THEM5: variants seen among roughly 807,000 people sequenced by gnomAD.
THEM5 encodes thioesterase superfamily member 5.
THEM5 carries 28 observed loss-of-function variants against 24.2 expected under a neutral mutation model. The observed-to-expected ratio is 1.16, with a 90% confidence interval of 0.86 to 1.59. The LOEUF (loss-of-function observed/expected upper bound fraction) is 1.59. THEM5 is among the 40% of genes most tolerant of loss of function. The probability of loss-of-function intolerance (pLI) is 0.00; values close to 1 mark genes in which losing one functional copy is unlikely to be tolerated. For synonymous variants in THEM5, 87 were observed against 114.5 expected, an observed-to-expected ratio of 0.76 and a Z score of 1.53; for missense variants, 260 against 296.8, an observed-to-expected ratio of 0.88 and a Z score of 0.91.
At chr1:151,848,653 G>T (rs1393521343) in intron 3 of THEM5, among the ~76,000 whole-genome samples, 1 of 152,222 alleles carries the variant, frequency 6.6e-6, no homozygotes, top group Admixed American at 6.5e-5. Context: ...GGAAGGATGG[G>T]CATATACAGG....
chr1:151,848,365 C>T, intron 3 of THEM5, 73 bp from the exon 4 acceptor site: 4 of 1,197,424 alleles, frequency 3.3e-6, no homozygotes, highest in Non-Finnish European at 5.0e-6. Flanking sequence ...TGGGCCTTCC[C>T]TCCCTCCTGT....
Position 151,851,135 on chromosome 1 carries a change from C to A in THEM5, c.382G>T (p.Glu128Ter), listed in dbSNP as rs1653107035. 1.9e-6 allele frequency: 3 copies of A among 1,614,116 alleles called. No individual in the cohort carries two copies. The African/African-American group carries it at 4.0e-5, about 22-fold the overall frequency. Residue 128 changes from glutamate to a stop codon, truncating the protein, a stop_gained, in exon 3 of 6, where the codon GAG (glutamate) becomes TAG (stop). Transcript: ENST00000368817. LOFTEE classifies it high-confidence loss of function. ...GTTGGCTGGAAAAAGATGACATACT[C>A]AAAGCCTTGTCCTTCCACTTGGATG... The part of the protein sequence containing the change: ...RCIQVEGQGF[E>*]YVIFFQPTQK...
intron 2 of THEM5, among the ~76,000 whole-genome samples, 195 bp downstream of exon 2, chr1:151,852,063 T>G (rs1481897854): frequency 6.6e-6 from 1 of 152,062 alleles, no homozygotes; most frequent in Admixed American, 6.6e-5. Context: ...GGTGTGCTGC[T>G]TCAGATGGGA....
At chr1:151,853,168 C>T (rs1483873374) in intron 1 of THEM5, among the ~76,000 whole-genome samples, 1 of 152,202 alleles carries the variant, frequency 6.6e-6, no homozygotes, top group Admixed American at 6.5e-5. Context: ...CTGGGGATAC[C>T]CCAGCTTTGC....
At chr1:151,851,327 C>G (rs1653115916) in intron 2 of THEM5, 136 bp from the exon 3 acceptor site, 2 of 1,173,010 alleles carry the variant, frequency 1.7e-6, no homozygotes, top group Admixed American at 2.0e-5. Flanking sequence ...CCCCAGGGAG[C>G]CTTCCCTCTG....
chr1:151,853,371 G>T (rs1289010352), intron 1 of THEM5, 72 bp downstream of exon 1: 1 of 1,524,972 alleles, frequency 6.6e-7, no homozygotes, highest in African/African-American at 1.4e-5. Context: ...CTGGGAAGAG[G>T]AGATTTGGGG....
chr1:151,853,523 G>T lies in THEM5; in HGVS notation c.43C>A (p.His15Asn), dbSNP rs762511855. 1.1e-5 allele frequency: 18 copies of T among 1,613,696 alleles called. No individual in the cohort carries two copies. The highest frequency in any genetic ancestry group is 1.3e-5 in the Non-Finnish European group (15 of 1,179,836). ...CGGGGGGCCTCAAGAAGGCCTCTGTGGTGGCCAAGTCTTGCTGCCACCTGG... is the reference window on the plus strand; with the variant it reads ...CGGGGGGCCTCAAGAAGGCCTCTGTTGTGGCCAAGTCTTGCTGCCACCTGG... ...CFQVAARLGH[H>N]RGLLEAPRIL... Residue 15 changes from histidine to asparagine, a missense_variant, in exon 1 of 6, where the codon CAC becomes AAC. Transcript: ENST00000368817.
At position 151,852,327 on chromosome 1, in the gene THEM5, G is replaced by T; in HGVS notation, c.256C>A (p.Pro86Thr). ...TGGTCTCTGTTGGACTTGAAGGAGGGCAGCTTGATCCAGCCGCTAGACTTA... is the reference window on the plus strand; with the variant it reads ...TGGTCTCTGTTGGACTTGAAGGAGGTCAGCTTGATCCAGCCGCTAGACTTA... Reference protein sequence around the residue: ...KTKSSGWIKLPSFKSNRDHIR... With the variant: ...KTKSSGWIKLTSFKSNRDHIR... The change falls in exon 2 of 6, where the codon CCC becomes ACC. Residue 86 changes from proline to threonine, a missense_variant. Pro to Thr is a conservative substitution (Grantham distance 38, BLOSUM62 -1). Coordinates refer to ENST00000368817, the MANE Select transcript of THEM5 (RefSeq NM_182578.4). The T allele has an allele frequency of 6.2e-7, 1 of 1,614,122 alleles. No homozygotes were observed. The highest frequency in any genetic ancestry group is 8.5e-7 in the Non-Finnish European group (1 of 1,180,028).
Position 151,853,542 on chromosome 1 carries a change from C to T in THEM5, c.24G>A (p.Val8=), listed in dbSNP as rs767177668. ...CTCTGTGGTGGCCAAGTCTTGCTGC[C>T]ACCTGGAAGCATCTCCTTATCATGG... MIRRCFQ[V]AARLGHHRGL... The change falls in exon 1 of 6, where the codon GTG becomes GTA. Residue 8 remains valine, a synonymous_variant. Coordinates refer to ENST00000368817, the MANE Select transcript of THEM5 (RefSeq NM_182578.4). The T allele has an allele frequency of 1.9e-6, 3 of 1,613,128 alleles. No homozygotes were observed. The highest frequency in any genetic ancestry group is 2.5e-6 in the Non-Finnish European group (3 of 1,179,464).
intron 1 of THEM5, among the ~76,000 whole-genome samples, chr1:151,852,820 G>A (rs908064344): frequency 2.6e-5 from 4 of 152,194 alleles, no homozygotes; most frequent in Non-Finnish European, 1.5e-5. Context: ...GAGGGAATAC[G>A]GCCAAGGTTG....
In THEM5 at chr1:151,847,805, G is replaced by T. The variant is rs749655007; in HGVS notation, c.633C>A (p.Asp211Glu). Reference protein sequence around the residue: ...VMDVELDKIEDQKLYMSCIAH... With the variant: ...VMDVELDKIEEQKLYMSCIAH... ...CGATGCAGGACATGTAAAGCTTCTG[G>T]TCCTCAATCTTGTCCAGTTCTACGT... The change falls in exon 5 of 6, where the codon GAC becomes GAA. Residue 211 changes from aspartate (D) to glutamate (E), a missense_variant. Transcript: ENST00000368817. The T allele has an allele frequency of 6.2e-7, 1 of 1,614,004 alleles. No individual in the cohort carries two copies. The highest frequency in any genetic ancestry group is 8.5e-7 in the Non-Finnish European group (1 of 1,180,000).
chr1:151,850,611 A>C (rs1418690774), intron 3 of THEM5, among the ~76,000 whole-genome samples: 1 of 152,198 alleles, frequency 6.6e-6, no homozygotes, highest in Non-Finnish European at 1.5e-5. Flanking sequence ...ACATAGGCCC[A>C]TAATATCATA....
Position 151,853,640 on chromosome 1 carries a change from T to C in THEM5, c.-75A>G, listed in dbSNP as rs1572063761. ...TCCCAAGGAGTGCTTTCAGCTGCAC[T>C]TGGGGCCGCTTCTCTCCCTTCTGTT... On this transcript the variant is annotated 5_prime_UTR_variant, in exon 1 of 6. Coordinates refer to ENST00000368817, the MANE Select transcript of THEM5 (RefSeq NM_182578.4). 1.3e-5 allele frequency: 20 copies of C among 1,488,052 alleles called. No individual in the cohort carries two copies. The South Asian group carries it at 1.8e-4, about 13-fold the overall frequency. The allele number at this position is 1,488,052 out of a possible 1,614,324, so 92.2% of individuals were successfully genotyped here. A position where few individuals can be genotyped will look rare whatever the true frequency, so the allele number is the denominator to read the frequency against.
chr1:151,851,965 G>C (rs1253900920), intron 2 of THEM5, among the ~76,000 whole-genome samples: 1 of 152,128 alleles, frequency 6.6e-6, no homozygotes, highest in Admixed American at 6.6e-5. Flanking sequence ...GTTAGGGAGG[G>C]GCAGTCAGTG....
chr1:151,847,519 G>T, intron 5 of THEM5, 105 bp from the exon 6 acceptor site: 1 of 1,474,420 alleles, frequency 6.8e-7, no homozygotes, highest in Non-Finnish European at 9.5e-7. Context: ...CCTGGGTCCT[G>T]TCCTTTCGTT....
chr1:151,850,243 A>G (rs942122212), intron 3 of THEM5: 3 of 152,288 alleles, frequency 2.0e-5, no homozygotes, highest in Non-Finnish European at 4.4e-5. Flanking sequence ...GAGCTCCAGC[A>G]CCACCTCCAG....
intron 3 of THEM5, among the ~76,000 whole-genome samples, chr1:151,848,537 G>A (rs1463754796): frequency 6.6e-6 from 1 of 152,222 alleles, no homozygotes; most frequent in Non-Finnish European, 1.5e-5. Flanking sequence ...TGCAGCCAAT[G>A]ATACAACATT....
intron 1 of THEM5, 45 bp from the exon 2 acceptor site, chr1:151,852,504 G>A (rs774476293): frequency 3.1e-6 from 5 of 1,597,668 alleles, no homozygotes; most frequent in Admixed American, 3.3e-5. Context: ...CCTGGAGGGG[G>A]GCTGCTGCCT....
chr1:151,851,326 G>T, intron 2 of THEM5, 135 bp from the exon 3 acceptor site: 1 of 1,182,294 alleles, frequency 8.5e-7, no homozygotes, highest in Non-Finnish European at 1.2e-6. Flanking sequence ...CCCCCAGGGA[G>T]CCTTCCCTCT....
Sources: gnomAD v4.1 joint callset for allele counts (sites outside exome capture counted in the v4.1 genomes callset) on GRCh38, gnomAD v4.1.1 for gene constraint, MANE v1.5 for transcripts, NCBI Gene and HGNC (gene_info 2026-07-23, HGNC 2026-07-21) for gene names.